The following FBLN7 variants were observed in gnomAD, a reference collection of about 807,000 sequenced individuals.
FBLN7 encodes the protein fibulin 7, also known as fibulin-7.
In FBLN7, 31 loss-of-function variants were observed where a neutral mutation model predicts 44.0. That is an observed-to-expected ratio of 0.70 (90% CI 0.53 to 0.95). The LOEUF is 0.95. Among genes scored for constraint, FBLN7 ranks in the 40% least tolerant of loss-of-function variants. The pLI is 0.00. For synonymous variants in FBLN7, 262 were observed against 253.4 expected, an observed-to-expected ratio of 1.03 and a Z score of -0.32; for missense variants, 573 against 618.5, an observed-to-expected ratio of 0.93 and a Z score of 0.78.
the FBLN7 span, chr2:112,233,478 A>G: frequency 1.4e-6 from 1 of 737,816 alleles, no homozygotes; most frequent in African/African-American, 1.8e-5. Flanking sequence ...AGAAAGAACC[A>G]AAGTCTTAGA....
intron 1 of FBLN7, among the ~76,000 whole-genome samples, chr2:112,153,791 G>C (rs1391112858): frequency 1.3e-5 from 2 of 152,210 alleles, no homozygotes; most frequent in Admixed American, 1.3e-4. Context: ...GAGGAAGGGA[G>C]CCTGGTGATC....
intron 1 of FBLN7, among the ~76,000 whole-genome samples, chr2:112,141,789 G>A (rs554440009): frequency 9.2e-5 from 14 of 152,298 alleles, no homozygotes; most frequent in African/African-American, 3.4e-4. Context: ...GCTGCTCGGG[G>A]AATGAGGTAA....
intron 1 of FBLN7, among the ~76,000 whole-genome samples, chr2:112,148,095 A>G (rs1163218324): frequency 1.3e-5 from 2 of 152,224 alleles, no homozygotes; most frequent in Admixed American, 6.5e-5. Flanking sequence ...GAGAAAAAAA[A>G]AATGAGCTGA....
intron 1 of FBLN7, among the ~76,000 whole-genome samples, chr2:112,154,021 A>G (rs1315026767): frequency 1.3e-5 from 2 of 152,256 alleles, no homozygotes; most frequent in Admixed American, 6.5e-5. Context: ...CCAGCTTGGA[A>G]AAACCTGGAT....
At chr2:112,184,233 G>T (rs556679849) in intron 6 of FBLN7, among the ~76,000 whole-genome samples, 1 of 152,186 alleles carries the variant, frequency 6.6e-6, no homozygotes, top group Admixed American at 6.5e-5. Context: ...GGGGAGCCCC[G>T]CTGGCTCCAG....
At chr2:112,235,835 T>G in the FBLN7 span, among the ~76,000 whole-genome samples, 5 of 151,268 alleles carry the variant, frequency 3.3e-5, no homozygotes, top group Non-Finnish European at 7.4e-5. Context: ...GGGACTTTAG[T>G]AGTAAAAAAT....
chr2:112,204,533 G>A, the FBLN7 span, among the ~76,000 whole-genome samples: 2 of 152,020 alleles, frequency 1.3e-5, no homozygotes, highest in Non-Finnish European at 2.9e-5. Flanking sequence ...ACTGTTGAAA[G>A]TCAAAAAGAA....
At chr2:112,222,261 CTGT>C in the FBLN7 span, among the ~76,000 whole-genome samples, 1 of 152,152 alleles carries the variant, frequency 6.6e-6, no homozygotes, top group African/African-American at 2.4e-5. Flanking sequence ...CAGCCCTAAT[CTGT>C]TGTTGTCTGT....
At chr2:112,195,137 C>G in the FBLN7 span, among the ~76,000 whole-genome samples, 2 of 152,296 alleles carry the variant, frequency 1.3e-5, no homozygotes, top group Non-Finnish European at 2.9e-5. Context: ...TTGGCCAGAC[C>G]ACAGAAATAT....
At chr2:112,160,788 A>G (rs7422186) in intron 2 of FBLN7, among the ~76,000 whole-genome samples, 3 of 140,988 alleles carry the variant, frequency 2.1e-5, no homozygotes, top group East Asian at 2.0e-4. Context: ...ACACGCACGC[A>G]CACGCACACA....
chr2:112,183,893 C>T (rs562214501), intron 6 of FBLN7, among the ~76,000 whole-genome samples: 1 of 152,234 alleles, frequency 6.6e-6, no homozygotes, highest in African/African-American at 2.4e-5. Context: ...AGGCTGAGAA[C>T]CCTCGCAACA....
Position 112,160,263 on chromosome 2 carries a change from G to T in FBLN7, c.235+428G>T, listed in dbSNP as rs189108917. ...CCTCGGCCTCCCAAAGTGCTGGGAT[G>T]ACAGGCGTGGGCCACCGCGCCGGGC... On this transcript the variant is annotated intron_variant, in intron 2 of 7. Transcript: ENST00000331203. Among the ~76,000 whole-genome samples the T allele has an allele frequency of 8.1e-3, 1,234 of 152,150 alleles. 4 individuals are homozygous for T. Among genetic ancestry groups the T allele is most frequent in the South Asian group, 0.021 (103 of 4,824 alleles).
the FBLN7 span, among the ~76,000 whole-genome samples, chr2:112,223,145 T>A: frequency 2.0e-5 from 3 of 151,972 alleles, no homozygotes; most frequent in Admixed American, 1.3e-4. Flanking sequence ...CATTAGGAGA[T>A]ATACCTAATG....
intron 1 of FBLN7, among the ~76,000 whole-genome samples, chr2:112,140,753 T>C (rs887023170): frequency 3.3e-5 from 5 of 152,156 alleles, no homozygotes; most frequent in African/African-American, 1.2e-4. Context: ...CACGGGACTT[T>C]CTCAGCAGTT....
intron 4 of FBLN7, 198 bp downstream of exon 4, chr2:112,176,037 AC>A: frequency 2.0e-6 from 1 of 512,692 alleles, no homozygotes; most frequent in Non-Finnish European, 3.2e-6. Context: ...CTTTGATGCA[AC>A]CAGAGTTTTG....
chr2:112,201,369 AG>A, the FBLN7 span, among the ~76,000 whole-genome samples: 2,487 of 152,322 alleles, frequency 0.016, 61 homozygotes, highest in African/African-American at 0.056. Context: ...AACAGAACAA[AG>A]GCCGTGGGCC....
In FBLN7 at chr2:112,138,465, A is replaced by T; in HGVS notation, c.-191A>T. 1 of 488,526 alleles carries T rather than the reference A, an allele frequency of 2.0e-6. No homozygotes were observed. Among genetic ancestry groups the T allele is most frequent in the Non-Finnish European group, 3.0e-6 (1 of 333,386 alleles). 30.3% of individuals were successfully genotyped at this position (488,526 alleles called of 1,614,324 possible). A position where few individuals can be genotyped will look rare whatever the true frequency, so the allele number is the denominator to read the frequency against. On this transcript the variant is annotated 5_prime_UTR_variant, in exon 1 of 8. It adds an upstream start codon to the 5' untranslated region. Coordinates refer to ENST00000331203, the MANE Select transcript of FBLN7 (RefSeq NM_153214.3). ...CTGCGGGCGCACCTGGACCCTCGCA[A>T]GGCCCGGGCGGCGCCGATCCCCGCG... is the stretch of plus-strand genomic sequence containing the variant.
intron 4 of FBLN7, 136 bp downstream of exon 4, chr2:112,175,975 C>T: frequency 2.7e-6 from 3 of 1,113,952 alleles, no homozygotes; most frequent in Non-Finnish European, 3.7e-6. Flanking sequence ...CTCTGTTTCA[C>T]ATCCACCGAT....
At chr2:112,165,909 C>T (rs1421384618) in intron 3 of FBLN7, among the ~76,000 whole-genome samples, 1 of 152,220 alleles carries the variant, frequency 6.6e-6, no homozygotes, top group Non-Finnish European at 1.5e-5. Flanking sequence ...GGCTACCATT[C>T]ACCAGTCATT....
Sources: gnomAD v4.1 joint callset for allele counts (sites outside exome capture counted in the v4.1 genomes callset) on GRCh38, gnomAD v4.1.1 for gene constraint, MANE v1.5 for transcripts, NCBI Gene and HGNC (gene_info 2026-07-23, HGNC 2026-07-21) for gene names.